Variants in GRB10 observed in about 807,000 individuals in gnomAD.
GRB10 encodes growth factor receptor bound protein 10.
A neutral mutation model predicts 80.9 loss-of-function variants in GRB10; 20 were observed. The observed-to-expected ratio is 0.25, with a 90% CI of 0.17 to 0.36. GRB10 has a LOEUF of 0.36. Among genes scored for constraint, GRB10 ranks in the 10% least tolerant of loss-of-function variants. The pLI is 1.00. For synonymous variants in GRB10, 291 were observed against 291.5 expected (o/e 1.00, Z 0.02); for missense variants, 548 against 747.7 (o/e 0.73, Z 3.12).
chr7:50,674,949 C>T (rs1190461930), intron 5 of GRB10, among the ~76,000 whole-genome samples: 2 of 152,164 alleles, frequency 1.3e-5, no homozygotes, highest in Non-Finnish European at 2.9e-5. Context: ...CTTCAGCACC[C>T]CCTTCTCTCC....
intron 3 of GRB10, among the ~76,000 whole-genome samples, chr7:50,752,699 C>T (rs1250397519): frequency 1.3e-5 from 2 of 152,198 alleles, no homozygotes; most frequent in African/African-American, 2.4e-5. Flanking sequence ...ACCATCGCAG[C>T]TGGGCCGGTC....
chr7:50,719,704 A>C (rs1350823296), intron 4 of GRB10, among the ~76,000 whole-genome samples: 4 of 151,826 alleles, frequency 2.6e-5, no homozygotes, highest in African/African-American at 9.7e-5. Context: ...AAAAAATAAA[A>C]AAAAAGAGTA....
At position 50,703,448 on chromosome 7, in the gene GRB10, G is replaced by C. The variant is rs148907699; in HGVS notation, c.139+373C>G. On this transcript the variant is annotated intron_variant, in intron 5 of 18. Transcript: ENST00000401949. ...AGGAACAGAATCACAGAAAGGTAGA[G>C]AAAGACCAAGAGTACATGCACCCAA... Among the ~76,000 whole-genome samples the C allele has an allele frequency of 7.0e-3, 1,061 of 152,252 alleles. 17 individuals carry two copies. Among genetic ancestry groups the C allele is most frequent in the African/African-American group, 0.024 (1,006 of 41,536 alleles).
At chr7:50,674,012 T>C (rs762676668) in intron 6 of GRB10, among the ~76,000 whole-genome samples, 12 of 152,176 alleles carry the variant, frequency 7.9e-5, no homozygotes, top group Non-Finnish European at 1.5e-4. Flanking sequence ...AATGCAACTC[T>C]GAGGGAGGTC....
At chr7:50,732,210 G>A (rs2069901454) in intron 4 of GRB10, 62 bp downstream of exon 4, 13 of 1,520,826 alleles carry the variant, frequency 8.5e-6, no homozygotes, top group Non-Finnish European at 1.2e-5. Flanking sequence ...CTGGCGACAT[G>A]TGTGCCCTGG....
At position 50,703,691 on chromosome 7, in the gene GRB10, A is replaced by AAGG; in HGVS notation, c.139+129_139+130insCCT. 1.0e-5 allele frequency: 7 copies of AAGG among 694,116 alleles called. No individual in the cohort carries two copies. In the South Asian group the frequency reaches 1.0e-4, roughly 10 times the overall value. The allele number at this position is 694,116 out of a possible 1,614,324, so 43.0% of individuals were successfully genotyped here. A position where few individuals can be genotyped will look rare whatever the true frequency, so the allele number is the denominator to read the frequency against. On this transcript the variant is annotated intron_variant, in intron 5 of 18. Coordinates refer to ENST00000401949, the MANE Select transcript of GRB10 (RefSeq NM_001350814.2). ...CTCTATTTGGGAATTCACTGTCCTT[A>AAGG]ATGAGAAAAGAAGAACCAATGTTAG...
intron 4 of GRB10, chr7:50,705,348 C>T (rs144041186): frequency 1.0e-6 from 1 of 967,790 alleles, no homozygotes; most frequent in African/African-American, 1.8e-5. Flanking sequence ...ATAAAACGAA[C>T]AAAGCCCTAA....
intron 3 of GRB10, among the ~76,000 whole-genome samples, chr7:50,748,950 A>C (rs2073580183): frequency 6.6e-6 from 1 of 152,228 alleles, no homozygotes; most frequent in Non-Finnish European, 1.5e-5. Flanking sequence ...GAGGTGCTAC[A>C]TTAAAAGACA....
chr7:50,598,934 C>T (rs1432711776), intron 17 of GRB10, among the ~76,000 whole-genome samples: 3 of 150,678 alleles, frequency 2.0e-5, no homozygotes, highest in African/African-American at 4.9e-5. Context: ...TGGGGCTGGA[C>T]CATGAGTGTG....
intron 5 of GRB10, among the ~76,000 whole-genome samples, chr7:50,694,753 G>A (rs1055098978): frequency 5.3e-5 from 8 of 152,252 alleles, no homozygotes; most frequent in Non-Finnish European, 8.8e-5. Flanking sequence ...GCAGTTTGGT[G>A]AGTACACTGT....
chr7:50,741,551 TAAAAAAAAA>T (rs752078809), intron 3 of GRB10, among the ~76,000 whole-genome samples: 2 of 116,930 alleles, frequency 1.7e-5, no homozygotes, highest in African/African-American at 3.4e-5. Flanking sequence ...AACATGTGTT[TAAAAAAAAA>T]AAAAAAAAAA....
At chr7:50,791,535 C>T (rs1447780473) in intron 1 of GRB10, among the ~76,000 whole-genome samples, 2 of 152,206 alleles carry the variant, frequency 1.3e-5, no homozygotes, top group Admixed American at 1.3e-4. Flanking sequence ...ACCTCCTGAG[C>T]CTTGGTTTTC....
At chr7:50,747,279 G>A (rs1587803190) in intron 3 of GRB10, among the ~76,000 whole-genome samples, 1 of 152,136 alleles carries the variant, frequency 6.6e-6, no homozygotes, top group East Asian at 1.9e-4. Context: ...GCCTGGGGCT[G>A]GGATTCCTGC....
intron 5 of GRB10, among the ~76,000 whole-genome samples, chr7:50,686,942 C>T (rs1379477656): frequency 6.6e-6 from 1 of 152,128 alleles, no homozygotes; most frequent in Non-Finnish European, 1.5e-5. Flanking sequence ...TATTTAGATA[C>T]CTTCCTTTGT....
chr7:50,632,300 T>C (rs2054145915), intron 7 of GRB10, among the ~76,000 whole-genome samples: 1 of 152,208 alleles, frequency 6.6e-6, no homozygotes, highest in South Asian at 2.1e-4. Context: ...AAAAAAAATG[T>C]GCTTAATAGC....
chr7:50,653,137 T>C (rs2153620169), intron 7 of GRB10, among the ~76,000 whole-genome samples: 1 of 152,242 alleles, frequency 6.6e-6, no homozygotes, highest in East Asian at 1.9e-4. Context: ...CTGGCCCCAG[T>C]ACGATGAGGA....
intron 2 of GRB10, among the ~76,000 whole-genome samples, chr7:50,761,356 T>C (rs2075746441): frequency 6.6e-6 from 1 of 152,260 alleles, no homozygotes; most frequent in South Asian, 2.1e-4. Context: ...TCATTTCCTT[T>C]TAGGGAAAAG....
chr7:50,676,465 T>C (rs1232051639), intron 5 of GRB10, among the ~76,000 whole-genome samples: 1 of 151,778 alleles, frequency 6.6e-6, no homozygotes, highest in Non-Finnish European at 1.5e-5. Context: ...TAACAAAAAG[T>C]GATCGTTATT....
rs139109691 is a variant in GRB10 at position 50,653,685 on chromosome 7, G to A, written c.504+16037C>T. Among the ~76,000 whole-genome samples, 403 of 152,254 alleles carry A rather than the reference G, an allele frequency of 2.6e-3. 3 individuals are homozygous for A. The highest frequency in any genetic ancestry group is 9.3e-3 in the African/African-American group (387 of 41,536). ...GACCACTTCAGCCGCTGGCCTCCCC[G>A]GGCTGGTGAAACGATGCATCGGGAA... On this transcript the variant is annotated intron_variant, in intron 7 of 18. Transcript: ENST00000401949.
Sources: gnomAD v4.1 joint callset for allele counts (sites outside exome capture counted in the v4.1 genomes callset) on GRCh38, gnomAD v4.1.1 for gene constraint, MANE v1.5 for transcripts, NCBI Gene and HGNC (gene_info 2026-07-23, HGNC 2026-07-21) for gene names.